Variants in SYNE1 observed in about 807,000 individuals in gnomAD.
The protein encoded by SYNE1 is nesprin-1.
SYNE1 carries 616 observed loss-of-function variants against 1,111.0 expected under a neutral mutation model. The ratio of observed to expected loss-of-function variants is 0.55; its 90% CI spans 0.52 to 0.59. The LOEUF (loss-of-function observed/expected upper bound fraction) is 0.59, where lower values mean the gene tolerates loss of function less well. SYNE1 is among the 20% of genes least tolerant of loss of function. The probability of loss-of-function intolerance (pLI) is 0.00; values close to 1 mark genes in which losing one functional copy is unlikely to be tolerated. For missense variants in SYNE1, 10,006 were observed against 10,417.0 expected (o/e 0.96, Z 1.72); for synonymous variants, 3,855 against 3,825.8 (o/e 1.01, Z -0.28).
intron 51 of SYNE1, among the ~76,000 whole-genome samples, chr6:152,391,877 C>T (rs1591755695): frequency 6.6e-6 from 1 of 152,170 alleles, no homozygotes; most frequent in South Asian, 2.1e-4. Flanking sequence ...ATGGTCCCAG[C>T]TGCCTCTTCA....
Position 152,309,935 on chromosome 6 carries a change from T to G in SYNE1, c.17102A>C (p.Asp5701Ala), listed in dbSNP as rs1328987747. The change falls in exon 90 of 146, where the codon GAT (aspartate) becomes GCT (alanine). Residue 5701 changes from aspartate to alanine, a missense_variant. Coordinates refer to ENST00000367255, the MANE Select transcript of SYNE1 (RefSeq NM_182961.4). ...LCQSALRIPE[D>A]VVASLPLCHA... The stretch of plus-strand genomic sequence containing the variant: ...ACAGAGAGGTAAGCTGGCAACCACA[T>G]CCTCGGGGATCCGGAGGGCACTCTG... The G allele has an allele frequency of 4.3e-6, 7 of 1,613,986 alleles. No individual in the cohort carries two copies. The highest frequency in any genetic ancestry group is 5.9e-6 in the Non-Finnish European group (7 of 1,180,052).
At chr6:152,197,607 T>G (rs2074433908) in intron 127 of SYNE1, among the ~76,000 whole-genome samples, 1 of 152,212 alleles carries the variant, frequency 6.6e-6, no homozygotes, top group Non-Finnish European at 1.5e-5. Context: ...CCATCAGATA[T>G]CTAGGGTGAC....
At chr6:152,360,852 C>T (rs184449802) in intron 64 of SYNE1, among the ~76,000 whole-genome samples, 215 of 152,254 alleles carry the variant, frequency 1.4e-3, no homozygotes, top group African/African-American at 5.0e-3. Context: ...CACATAAGAT[C>T]ATTTAGTCAT....
intron 138 of SYNE1, among the ~76,000 whole-genome samples, chr6:152,143,239 A>T (rs957612650): frequency 1.3e-5 from 2 of 152,218 alleles, no homozygotes; most frequent in African/African-American, 4.8e-5. Context: ...TACCAAAAAA[A>T]CTGCATGTTA....
At chr6:152,532,985 G>A (rs1039503444) in intron 4 of SYNE1, among the ~76,000 whole-genome samples, 5 of 152,076 alleles carry the variant, frequency 3.3e-5, no homozygotes, top group African/African-American at 9.7e-5. Flanking sequence ...CACAGTATAT[G>A]TATCAAAATG....
chr6:152,125,292 A>C, intron 145 of SYNE1: 1 of 1,550,478 alleles, frequency 6.4e-7, no homozygotes, highest in Non-Finnish European at 8.7e-7. Context: ...AGCAAAGAAG[A>C]GAATCCTGAA....
chr6:152,362,308 A>C lies in SYNE1; in HGVS notation c.10161T>G (p.Ala3387=). 1 of 1,614,184 alleles carries C rather than the reference A, an allele frequency of 6.2e-7. No individual in the cohort carries two copies. The highest frequency in any genetic ancestry group is 8.5e-7 in the Non-Finnish European group (1 of 1,180,036). Residue 3387 remains alanine, a synonymous_variant, in exon 64 of 146, where the codon GCT becomes GCG. Transcript: ENST00000367255. ...CCTGATAACTTGTCCACTTGGAGAGAGCTCCTTCGAGTTGGCTGAAAGGGA... is the reference window on the plus strand; with the variant it reads ...CCTGATAACTTGTCCACTTGGAGAGCGCTCCTTCGAGTTGGCTGAAAGGGA... ...GIRCKSQLEG[A]LSKWTSYQDG...
intron 18 of SYNE1, among the ~76,000 whole-genome samples, chr6:152,463,764 C>T (rs2098748036): frequency 6.6e-6 from 1 of 152,078 alleles, no homozygotes; most frequent in Non-Finnish European, 1.5e-5. Context: ...ACATGATGAC[C>T]ATTTTCTGTT....
chr6:152,306,487 AAAAT>A (rs56931883), intron 91 of SYNE1, among the ~76,000 whole-genome samples: 30,030 of 142,340 alleles, frequency 0.21, 3,378 homozygotes, highest in African/African-American at 0.25. Context: ...CTCCATCTAA[AAAAT>A]AAATAAATAA....
intron 46 of SYNE1, 122 bp from the exon 47 acceptor site, chr6:152,401,463 C>T (rs2097817085): frequency 2.1e-6 from 2 of 961,534 alleles, no homozygotes; most frequent in Non-Finnish European, 3.2e-6. Flanking sequence ...TGGAAGCCAG[C>T]TCCAATGTTA....
At chr6:152,214,020 G>A (rs533676601) in intron 122 of SYNE1, among the ~76,000 whole-genome samples, 5 of 152,104 alleles carry the variant, frequency 3.3e-5, no homozygotes, top group Non-Finnish European at 7.4e-5. Flanking sequence ...GGTCAACATG[G>A]TGAAACCCCA....
At chr6:152,364,081 T>A (rs1348699124) in intron 63 of SYNE1, among the ~76,000 whole-genome samples, 2 of 152,120 alleles carry the variant, frequency 1.3e-5, no homozygotes, top group Admixed American at 6.5e-5. Context: ...CCCATGCTGT[T>A]CTCGTGATAG....
At chr6:152,430,068 A>G (rs1322783377) in intron 36 of SYNE1, 44 bp downstream of exon 36, 2 of 1,382,166 alleles carry the variant, frequency 1.4e-6, no homozygotes, top group South Asian at 2.5e-5. Flanking sequence ...GAATTATCAA[A>G]TTTTAAGTTG....
Position 152,441,278 on chromosome 6 carries a change from T to G in SYNE1, c.4009-8A>C. On this transcript the variant is annotated splice_region_variant and splice_polypyrimidine_tract_variant and intron_variant, in intron 31 of 145. Coordinates refer to ENST00000367255, the MANE Select transcript of SYNE1 (RefSeq NM_182961.4). Reference sequence around the variant, plus strand: ...CCATTTTCTTAATGTGACCTAAATTTGAAAAAATAAACAACAAATGGGTTA... The same window carrying G: ...CCATTTTCTTAATGTGACCTAAATTGGAAAAAATAAACAACAAATGGGTTA... 6.2e-7 allele frequency: 1 copy of G among 1,601,586 alleles called. No individual in the cohort carries two copies. The highest frequency in any genetic ancestry group is 8.5e-7 in the Non-Finnish European group (1 of 1,172,394).
At chr6:152,450,222 T>G (rs112475195) in intron 27 of SYNE1, among the ~76,000 whole-genome samples, 4,566 of 152,312 alleles carry the variant, frequency 0.03, 83 homozygotes, top group Non-Finnish European at 0.035. Flanking sequence ...CCTGCCATCA[T>G]GTGAAGAAGG....
chr6:152,326,613 A>G lies in SYNE1; in HGVS notation c.14976T>C (p.Tyr4992=), dbSNP rs935200376. 57 of 1,613,880 alleles carry G rather than the reference A, an allele frequency of 3.5e-5. No homozygotes were observed. Among genetic ancestry groups the G allele is most frequent in the Admixed American group, 5.0e-5 (3 of 60,004 alleles). Residue 4992 remains tyrosine (Y), a synonymous_variant, in exon 79 of 146, where the codon TAT becomes TAC. Coordinates refer to ENST00000367255, the MANE Select transcript of SYNE1 (RefSeq NM_182961.4). Reference sequence around the variant, plus strand: ...CCTGATAATACCTTTGACACTGGCTATATATTTCAGTCAAGGTAGCCTGAA... The same window carrying G: ...CCTGATAATACCTTTGACACTGGCTGTATATTTCAGTCAAGGTAGCCTGAA... ...RTRQATLTEI[Y]SQCQRYYQVF...
At chr6:152,485,924 C>A (rs117594316) in intron 12 of SYNE1, among the ~76,000 whole-genome samples, 3 of 152,050 alleles carry the variant, frequency 2.0e-5, no homozygotes, top group Non-Finnish European at 4.4e-5. Flanking sequence ...AGGCTGGGCA[C>A]GGTGGCTCAC....
At chr6:152,540,272 T>G (rs2099263140) in intron 3 of SYNE1, among the ~76,000 whole-genome samples, 1 of 152,190 alleles carries the variant, frequency 6.6e-6, no homozygotes, top group Non-Finnish European at 1.5e-5. Flanking sequence ...TTCATCCACT[T>G]ACTTAAAATT....
At chr6:152,445,857 G>A (rs2098582346) in intron 29 of SYNE1, among the ~76,000 whole-genome samples, 1 of 152,060 alleles carries the variant, frequency 6.6e-6, no homozygotes, top group Non-Finnish European at 1.5e-5. Flanking sequence ...AACAAAATGT[G>A]TTTTTCTCCT....
Sources: gnomAD v4.1 joint callset for allele counts (sites outside exome capture counted in the v4.1 genomes callset) on GRCh38, gnomAD v4.1.1 for gene constraint, MANE v1.5 for transcripts, NCBI Gene and HGNC (gene_info 2026-07-23, HGNC 2026-07-21) for gene names.